Variants in ASS1 observed in about 807,000 individuals in gnomAD.
The protein encoded by ASS1 is argininosuccinate synthase 1, also known as argininosuccinate synthase.
Under a neutral mutation model 60.5 loss-of-function variants are expected in ASS1, and 58 were observed. The observed-to-expected ratio is 0.96, with a 90% confidence interval of 0.78 to 1.19. ASS1 has a LOEUF of 1.19. Among genes scored for constraint, ASS1 ranks in the 50% most tolerant of loss-of-function variants. The pLI, the probability that ASS1 is intolerant of heterozygous loss-of-function variation, is 0.00. For synonymous variants in ASS1, 200 were observed against 206.9 expected (o/e 0.97, Z 0.29); for missense variants, 454 against 547.3 (o/e 0.83, Z 1.70).
intron 3 of ASS1, 138 bp from the exon 4 acceptor site, chr9:130,458,263 C>G: frequency 2.2e-6 from 2 of 897,506 alleles, no homozygotes; most frequent in South Asian, 2.7e-5. Context: ...ATGTCTACTA[C>G]AGATGCAGAA....
intron 4 of ASS1, among the ~76,000 whole-genome samples, chr9:130,460,210 C>G (rs1027511908): frequency 3.3e-5 from 5 of 152,174 alleles, no homozygotes; most frequent in Non-Finnish European, 7.3e-5. Flanking sequence ...ACACACACAG[C>G]TAAGATGATG....
chr9:130,493,846 C>T (rs1692612203), intron 12 of ASS1, among the ~76,000 whole-genome samples: 1 of 152,242 alleles, frequency 6.6e-6, no homozygotes, highest in African/African-American at 2.4e-5. Flanking sequence ...AGCGCTACCC[C>T]TCCCTGGCCT....
intron 13 of ASS1, among the ~76,000 whole-genome samples, chr9:130,498,009 GA>G (rs1163604097): frequency 1.3e-5 from 2 of 152,176 alleles, no homozygotes; most frequent in Admixed American, 6.5e-5. Flanking sequence ...TGGAGGTGTG[GA>G]GGAGGGAGGA....
intron 11 of ASS1, among the ~76,000 whole-genome samples, chr9:130,484,451 C>T (rs900949779): frequency 3.3e-5 from 5 of 152,158 alleles, no homozygotes; most frequent in African/African-American, 7.2e-5. Flanking sequence ...CCCCACTCCC[C>T]GCTGCACCTT....
At chr9:130,471,459 C>T in intron 7 of ASS1, 26 bp from the exon 8 acceptor site, 1 of 1,613,926 alleles carries the variant, frequency 6.2e-7, no homozygotes, top group South Asian at 1.1e-5. Flanking sequence ...CCCCAGCTGA[C>T]CCTGTCTTTC....
At chr9:130,499,816 C>G (rs965925397) in intron 14 of ASS1, among the ~76,000 whole-genome samples, 2 of 152,160 alleles carry the variant, frequency 1.3e-5, no homozygotes, top group African/African-American at 4.8e-5. Context: ...TGTGTCCCAC[C>G]GGGTGCCTCT....
intron 9 of ASS1, 92 bp from the exon 10 acceptor site, chr9:130,479,624 C>T (rs934007989): frequency 3.0e-6 from 3 of 996,028 alleles, no homozygotes; most frequent in Non-Finnish European, 4.8e-6. Context: ...CCATTTAAGG[C>T]GTTTCGGGAG....
chr9:130,499,402 GC>G, intron 13 of ASS1, 102 bp from the exon 14 acceptor site: 1 of 1,216,742 alleles, frequency 8.2e-7, no homozygotes, highest in Non-Finnish European at 1.2e-6. Context: ...CAGGGGAAAT[GC>G]CCTGGCATCT....
At chr9:130,479,824 G>C in intron 10 of ASS1, 24 bp downstream of exon 10, 1 of 1,607,884 alleles carries the variant, frequency 6.2e-7, no homozygotes. Flanking sequence ...GCCCTGTCCG[G>C]CCTCTTGGGA....
chr9:130,485,420 C>T (rs1433726223), intron 11 of ASS1, among the ~76,000 whole-genome samples: 1 of 149,348 alleles, frequency 6.7e-6, no homozygotes, highest in Non-Finnish European at 1.5e-5. Flanking sequence ...CCAAGCTGGG[C>T]ACCTTCTGTA....
At chr9:130,474,268 C>G (rs1588490434) in intron 8 of ASS1, among the ~76,000 whole-genome samples, 1 of 152,154 alleles carries the variant, frequency 6.6e-6, no homozygotes, top group Non-Finnish European at 1.5e-5. Context: ...TTAATCGGCG[C>G]TGTCAGGTGC....
At chr9:130,466,523 C>T (rs1249743785) in intron 5 of ASS1, 14 of 630,502 alleles carry the variant, frequency 2.2e-5, no homozygotes, top group South Asian at 3.6e-5. Flanking sequence ...GTGCAGGCTC[C>T]GTCCAGCCAG....
At chr9:130,479,675 AG>A (rs1323595849) in intron 9 of ASS1, 40 bp from the exon 10 acceptor site, 2 of 1,525,812 alleles carry the variant, frequency 1.3e-6, no homozygotes, top group Non-Finnish European at 1.8e-6. Context: ...TCCTCCGCTG[AG>A]CCGGGCCCAG....
intron 11 of ASS1, among the ~76,000 whole-genome samples, chr9:130,483,742 CTCCTCCTCCTTGCCTTCCTT>C: frequency 6.2e-5 from 5 of 80,436 alleles, no homozygotes; most frequent in African/African-American, 3.1e-4. Flanking sequence ...CCCCGCCTTG[CTCCTCCTCCTTGCCTTCCTT>C]TCCTCCTCCC....
intron 11 of ASS1, among the ~76,000 whole-genome samples, chr9:130,483,929 G>A (rs560428754): frequency 6.6e-6 from 1 of 151,928 alleles, no homozygotes; most frequent in Non-Finnish European, 1.5e-5. Flanking sequence ...AAGGAACAAG[G>A]GCTGTCACCC....
At chr9:130,493,094 C>A (rs913365356) in intron 12 of ASS1, among the ~76,000 whole-genome samples, 1 of 152,126 alleles carries the variant, frequency 6.6e-6, no homozygotes, top group African/African-American at 2.4e-5. Context: ...GCCCAGGACA[C>A]CAGGGCATGG....
rs1425664426 is a variant in ASS1 at position 130,459,491 on chromosome 9, GC to G, written c.363+903del. Among the ~76,000 whole-genome samples, 2 of 152,046 alleles carry G rather than the reference GC, an allele frequency of 1.3e-5. No homozygotes were observed. Among genetic ancestry groups the G allele is most frequent in the Non-Finnish European group, 2.9e-5 (2 of 68,006 alleles). On this transcript the variant is annotated intron_variant, in intron 4 of 14. Coordinates refer to ENST00000352480, the MANE Select transcript of ASS1 (RefSeq NM_054012.4). This position sits in a 1 kb window ranked among gnomAD's most constrained non-coding sequence, Gnocchi z 4.6. ...CTGACGCCCAGGCTGGAGTGCAGTG[GC>G]TCGATCTTGGCTCACTGCAACCTCT...
chr9:130,460,245 G>A (rs1386495337), intron 4 of ASS1, among the ~76,000 whole-genome samples: 2 of 152,182 alleles, frequency 1.3e-5, no homozygotes, highest in African/African-American at 4.8e-5. Context: ...GTTGATTTGA[G>A]GGTGGCCTGG....
intron 5 of ASS1, among the ~76,000 whole-genome samples, chr9:130,465,457 C>T (rs1303291275): frequency 1.3e-5 from 2 of 152,230 alleles, no homozygotes; most frequent in African/African-American, 4.8e-5. Context: ...TGTTTACATT[C>T]TTTTTTCTTC....
Sources: gnomAD v4.1 joint callset for allele counts (sites outside exome capture counted in the v4.1 genomes callset) on GRCh38, gnomAD v4.1.1 for gene constraint, Gnocchi (gnomAD v3.1) non-coding constraint, MANE v1.5 for transcripts, NCBI Gene and HGNC (gene_info 2026-07-23, HGNC 2026-07-21) for gene names.